LETM1: variants seen among roughly 807,000 people sequenced by gnomAD.
LETM1 encodes mitochondrial proton/calcium exchanger protein.
A neutral mutation model predicts 74.5 loss-of-function variants in LETM1; 50 were observed. That is an observed-to-expected ratio of 0.67 (90% CI 0.53 to 0.85). The LOEUF is 0.85. LETM1 is among the 40% of genes least tolerant of loss of function. The probability of loss-of-function intolerance (pLI) is 0.00; values close to 1 mark genes in which losing one functional copy is unlikely to be tolerated. For missense variants in LETM1, 824 were observed against 967.8 expected (o/e 0.85, Z 1.97); for synonymous variants, 446 against 407.1 (o/e 1.10, Z -1.15).
At chr4:1,820,069 TG>T (rs985980455) in intron 10 of LETM1, among the ~76,000 whole-genome samples, 6 of 152,230 alleles carry the variant, frequency 3.9e-5, no homozygotes, top group African/African-American at 1.4e-4. Flanking sequence ...CCCCAGGAGC[TG>T]GGACTACAGG....
intron 13 of LETM1, 36 bp downstream of exon 13, chr4:1,815,628 T>G: frequency 6.2e-7 from 1 of 1,610,004 alleles, no homozygotes; most frequent in Non-Finnish European, 8.5e-7. Context: ...CCAGAGCAGG[T>G]GGCGGATGGC....
rs183323819 is a variant in LETM1, at chr4:1,819,414, T to C, written c.1667A>G (p.Gln556Arg). Residue 556 changes from glutamine (Q) to arginine (R), a missense_variant, in exon 11 of 14, where the codon CAG becomes CGG. Gln to Arg is a conservative substitution (Grantham distance 43, BLOSUM62 1). Around this residue, in one of 4 missense-constraint regions of LETM1, gnomAD observed 161 missense variants for 252.7 expected, o/e 0.64. Transcript: ENST00000302787. ...CTTGGTGAGTGACTTCTTCTGCTCC[T>C]GCAGCTTAGAGCAGGCATCGCTGAG... ...DILSDACSKLQEQKKSLTKEK... is the reference protein window; with the variant it reads ...DILSDACSKLREQKKSLTKEK... The C allele has an allele frequency of 9.2e-5, 149 of 1,613,992 alleles. No individual in the cohort carries two copies. The highest frequency in any genetic ancestry group is 8.7e-4 in the Admixed American group (52 of 60,004).
intron 13 of LETM1, 64 bp from the exon 14 acceptor site, chr4:1,814,637 G>A (rs1044100507): frequency 2.3e-5 from 34 of 1,467,068 alleles, no homozygotes; most frequent in East Asian, 1.6e-4. Flanking sequence ...AGGCAGAGGC[G>A]GGGCCAGCGC....
At chr4:1,820,281 G>A (rs1253177064) in intron 10 of LETM1, among the ~76,000 whole-genome samples, 7 of 152,080 alleles carry the variant, frequency 4.6e-5, no homozygotes, top group African/African-American at 9.7e-5. Flanking sequence ...ACAGTACTCC[G>A]TGGACAGCAC....
rs9998538 is a variant in LETM1, at chr4:1,836,193, G to C, written c.738+236C>G. 0.057 allele frequency among the ~76,000 whole-genome samples: 8,615 copies of C among 152,188 alleles called. 821 individuals are homozygous for C. The highest frequency in any genetic ancestry group is 0.2 in the African/African-American group (8,180 of 41,458). On this transcript the variant is annotated intron_variant, in intron 4 of 13. Coordinates refer to ENST00000302787, the MANE Select transcript of LETM1 (RefSeq NM_012318.3). The surrounding 1 kb of genome is among the most constrained non-coding windows in gnomAD (Gnocchi z 5.8). Reference sequence around the variant, plus strand: ...AGATCGCACTGCTGCACTCCAGCCTGGGTGACAGAGCGAGACCCTGTTTCA... The same window carrying C: ...AGATCGCACTGCTGCACTCCAGCCTCGGTGACAGAGCGAGACCCTGTTTCA...
intron 2 of LETM1, 114 bp downstream of exon 2, chr4:1,849,035 C>T (rs1355616206): frequency 1.4e-6 from 1 of 730,152 alleles, no homozygotes; most frequent in African/African-American, 1.8e-5. Context: ...AAACAAAGAA[C>T]AGGAAAGTAG....
intron 3 of LETM1, among the ~76,000 whole-genome samples, chr4:1,838,542 C>G (rs1156357325): frequency 6.6e-6 from 1 of 152,146 alleles, no homozygotes; most frequent in Non-Finnish European, 1.5e-5. Context: ...CCTGGCATGA[C>G]AGCGTGCGTC....
intron 2 of LETM1, among the ~76,000 whole-genome samples, chr4:1,845,719 G>A (rs182609126): frequency 1.3e-5 from 2 of 151,938 alleles, no homozygotes; most frequent in East Asian, 1.9e-4. Flanking sequence ...GGTAATTTTT[G>A]TATTTTTAGT....
chr4:1,843,699 C>T lies in LETM1; in HGVS notation c.144-1902G>A, dbSNP rs949070777. On this transcript the variant is annotated intron_variant, in intron 2 of 13. Transcript: ENST00000302787. ...GGGACAGGCACCCCACCTCGGTCAC[C>T]TCCCCAATCCCTGTGAGGGCAGCTT... Among the ~76,000 whole-genome samples, 15 of 152,336 alleles carry T rather than the reference C, an allele frequency of 9.8e-5. No individual in the cohort carries two copies. The South Asian group carries it at 2.3e-3, about 23-fold the overall frequency.
At position 1,841,486 on chromosome 4, in the gene LETM1, G is replaced by T. The variant is rs371780724; in HGVS notation, c.455C>A (p.Ser152Tyr). The change falls in exon 3 of 14, where the codon TCC (serine) becomes TAC (tyrosine). Residue 152 changes from serine (S) to tyrosine (Y), a missense_variant. Coordinates refer to ENST00000302787, the MANE Select transcript of LETM1 (RefSeq NM_012318.3). ...SPPAEVVVKK[S>Y]LGQRVLDELK... ...CTCGTCCAGCACCCGCTGCCCCAGG[G>T]ACTTCTTCACCACCACCTCTGCGGG... The T allele has an allele frequency of 1.9e-5, 30 of 1,614,136 alleles. No individual in the cohort carries two copies. Among genetic ancestry groups the T allele is most frequent in the Non-Finnish European group, 2.5e-5 (29 of 1,180,052 alleles).
Position 1,812,634 on chromosome 4 carries a change from T to G in LETM1, c.*1790A>C, listed in dbSNP as rs1283395434. ...AGGTGCAAGAAGAAAGGTCAGGACA[T>G]AGAGAAAAATGCACACAGAACGATG... On this transcript the variant is annotated 3_prime_UTR_variant, in exon 14 of 14. Transcript: ENST00000302787. 4.6e-5 allele frequency: 7 copies of G among 152,232 alleles called. No homozygotes were observed. In the East Asian group the frequency reaches 7.5e-4, roughly 16 times the overall value. 9.4% of individuals were successfully genotyped at this position (152,232 alleles called of 1,614,324 possible).
intron 3 of LETM1, chr4:1,839,405 G>GA (rs1358592070): frequency 6.6e-6 from 1 of 152,386 alleles, no homozygotes; most frequent in Non-Finnish European, 1.5e-5. Context: ...CCCCTCCCAG[G>GA]AAACAGCAGT....
intron 1 of LETM1, 45 bp downstream of exon 1, chr4:1,855,824 C>A: frequency 8.8e-7 from 1 of 1,136,552 alleles, no homozygotes; most frequent in Non-Finnish European, 1.1e-6. Context: ...CGCTCCCGAC[C>A]CACCAGCCGG....
At position 1,841,796 on chromosome 4, in the gene LETM1, T is replaced by G. The variant is rs1712709745; in HGVS notation, c.145A>C (p.Asn49His). Residue 49 changes from asparagine to histidine, a missense_variant and splice_region_variant, in exon 3 of 14, where the codon AAT (asparagine) becomes CAT (histidine). This residue lies in a region of LETM1 where 222 missense variants were observed against 195.6 expected (regional missense o/e 1.14). Coordinates refer to ENST00000302787, the MANE Select transcript of LETM1 (RefSeq NM_012318.3). Reference sequence around the variant, plus strand: ...GGAGTGCAGCAGCCAAATGGAACATTCCTTGAAAAGGGAAGAGTGGAAAAC... The same window carrying G: ...GGAGTGCAGCAGCCAAATGGAACATGCCTTGAAAAGGGAAGAGTGGAAAAC... ...ASTLGLRNCL[N>H]VPFGCCTPIH... is the part of the protein sequence containing the mutation. 6.2e-7 allele frequency: 1 copy of G among 1,608,506 alleles called. No individual in the cohort carries two copies. The highest frequency in any genetic ancestry group is 8.5e-7 in the Non-Finnish European group (1 of 1,177,604).
intron 8 of LETM1, among the ~76,000 whole-genome samples, 184 bp downstream of exon 8, chr4:1,823,460 G>T (rs1285242503): frequency 6.6e-6 from 1 of 152,140 alleles, no homozygotes; most frequent in East Asian, 1.9e-4. Flanking sequence ...GGCAGGCAAG[G>T]GGCTGGTGAG....
At chr4:1,816,353 C>T (rs749230276) in intron 12 of LETM1, among the ~76,000 whole-genome samples, 58 of 152,170 alleles carry the variant, frequency 3.8e-4, no homozygotes, top group African/African-American at 1.3e-3. Flanking sequence ...TGGGACATGT[C>T]GGGCACAGAG....
intron 2 of LETM1, among the ~76,000 whole-genome samples, chr4:1,848,008 AT>A (rs1712942162): frequency 1.3e-5 from 2 of 151,644 alleles, no homozygotes; most frequent in Non-Finnish European, 2.9e-5. Flanking sequence ...AAAAATAAAA[AT>A]AAAAAAAAAA....
At chr4:1,854,479 C>CA (rs538075828) in intron 1 of LETM1, among the ~76,000 whole-genome samples, 1,347 of 100,414 alleles carry the variant, frequency 0.013, 19 homozygotes, top group Admixed American at 0.064. Context: ...GACTCCATTT[C>CA]AAAAAAAAAA....
At chr4:1,851,488 A>T (rs547240259) in intron 1 of LETM1, among the ~76,000 whole-genome samples, 1 of 152,296 alleles carries the variant, frequency 6.6e-6, no homozygotes, top group South Asian at 2.1e-4. Context: ...TGGGGAAGGA[A>T]ATTCCTACTA....
Sources: allele counts gnomAD v4.1 joint callset (sites outside exome capture counted in the v4.1 genomes callset), GRCh38; gene constraint gnomAD v4.1.1; regional missense constraint gnomAD v4.1.1; non-coding constraint Gnocchi (gnomAD v3.1); transcripts MANE v1.5; gene names NCBI Gene and HGNC (gene_info 2026-07-23, HGNC 2026-07-21).